RANBP2: variants seen among roughly 807,000 people sequenced by gnomAD.
The protein encoded by RANBP2 is RAN binding protein 2.
Under a neutral mutation model 303.6 loss-of-function variants are expected in RANBP2, and 57 were observed. The ratio of observed to expected loss-of-function variants is 0.19; its 90% CI spans 0.15 to 0.23. The LOEUF is 0.23. Among genes scored for constraint, RANBP2 ranks in the 10% least tolerant of loss-of-function variants. RANBP2 has a pLI of 1.00. For missense variants in RANBP2, 3,138 were observed against 3,780.8 expected, an observed-to-expected ratio of 0.83 and a Z score of 4.46; for synonymous variants, 1,167 against 1,301.5, an observed-to-expected ratio of 0.90 and a Z score of 2.23.
At chr2:109,498,657 G>A in the RANBP2 span, among the ~76,000 whole-genome samples, 42,005 of 152,002 alleles carry the variant, frequency 0.28, 6,094 homozygotes, top group African/African-American at 0.37. Context: ...CCCCTAAGTA[G>A]TATCAAGTAG....
chr2:109,406,654 A>G, the RANBP2 span, among the ~76,000 whole-genome samples: 34 of 152,312 alleles, frequency 2.2e-4, no homozygotes, highest in South Asian at 2.5e-3. Context: ...TTTTTAGGCC[A>G]TAACAGAGAT....
At chr2:109,701,882 G>C in the RANBP2 span, among the ~76,000 whole-genome samples, 1 of 152,314 alleles carries the variant, frequency 6.6e-6, no homozygotes, top group South Asian at 2.1e-4. Flanking sequence ...ACAAAGGCCA[G>C]TCAGTCCCTG....
At chr2:109,546,675 T>C in the RANBP2 span, among the ~76,000 whole-genome samples, 1 of 152,152 alleles carries the variant, frequency 6.6e-6, no homozygotes, top group Non-Finnish European at 1.5e-5. Flanking sequence ...TTGAAAACTG[T>C]ACTAGTAAAC....
the RANBP2 span, among the ~76,000 whole-genome samples, chr2:108,837,937 T>G: frequency 3.9e-5 from 6 of 152,088 alleles, no homozygotes; most frequent in Admixed American, 3.9e-4. Context: ...TTTTTTTTTT[T>G]TAAAGACACC....
At chr2:109,303,531 G>C in the RANBP2 span, among the ~76,000 whole-genome samples, 1 of 152,154 alleles carries the variant, frequency 6.6e-6, no homozygotes, top group African/African-American at 2.4e-5. Context: ...CCCTGCAATG[G>C]TCTGTTTCCT....
At chr2:109,534,835 C>T in the RANBP2 span, among the ~76,000 whole-genome samples, 9 of 151,678 alleles carry the variant, frequency 5.9e-5, no homozygotes, top group African/African-American at 2.2e-4. Flanking sequence ...TTAAGTATTG[C>T]TATCACATCA....
the RANBP2 span, among the ~76,000 whole-genome samples, chr2:109,259,966 G>A: frequency 6.6e-6 from 1 of 152,120 alleles, no homozygotes; most frequent in African/African-American, 2.4e-5. Context: ...ACGCCCAGGG[G>A]TTTTCTTTGC....
rs769673783 is a variant in RANBP2 at position 108,730,754 on chromosome 2, G to A, written c.141-20G>A. ...ACAGTTCTAAGTTTAATTTACTTTTGTATTACTTTTAAAAAACAGATACAT... is the reference window on the plus strand; with the variant it reads ...ACAGTTCTAAGTTTAATTTACTTTTATATTACTTTTAAAAAACAGATACAT... On this transcript the variant is annotated intron_variant, in intron 2 of 28. Transcript: ENST00000283195. The A allele has an allele frequency of 7.3e-5, 117 of 1,608,850 alleles. No homozygotes were observed. The highest frequency in any genetic ancestry group is 1.7e-5 in the Admixed American group (1 of 59,794).
the RANBP2 span, among the ~76,000 whole-genome samples, chr2:109,238,441 A>G: frequency 2.2e-5 from 3 of 138,074 alleles, no homozygotes; most frequent in Non-Finnish European, 4.7e-5. Flanking sequence ...CTTGTTTGTT[A>G]TGTATATTTG....
rs753167798 is a variant in RANBP2 at position 108,783,899 on chromosome 2, T to A, written c.9673T>A (p.Ter3225LysextTer6). The A allele has an allele frequency of 6.2e-7, 1 of 1,607,822 alleles. No homozygotes were observed. The highest frequency in any genetic ancestry group is 8.5e-7 in the Non-Finnish European group (1 of 1,174,530). Residue 3225 changes from the stop codon to lysine (K), a stop_lost, in exon 29 of 29, where the codon TAA becomes AAA. Coordinates refer to ENST00000283195, the MANE Select transcript of RANBP2 (RefSeq NM_006267.5). ...AACTATCACAGAATGTGGACAGATA[T>A]AAAATCATTGTTGTTCATAGAAAAT... ...RITITECGQI[*>K] is the part of the protein sequence containing the mutation.
At chr2:108,986,629 C>G in the RANBP2 span, among the ~76,000 whole-genome samples, 1 of 152,202 alleles carries the variant, frequency 6.6e-6, no homozygotes, top group African/African-American at 2.4e-5. Context: ...GTGAACCTCT[C>G]TGAGCCTCAA....
chr2:108,849,675 A>G, the RANBP2 span, among the ~76,000 whole-genome samples: 1 of 151,868 alleles, frequency 6.6e-6, no homozygotes, highest in Admixed American at 6.6e-5. Flanking sequence ...AAAGAAAAAG[A>G]AAAAAAAATC....
the RANBP2 span, among the ~76,000 whole-genome samples, chr2:109,346,706 T>G: frequency 6.6e-6 from 1 of 152,082 alleles, no homozygotes; most frequent in African/African-American, 2.4e-5. Context: ...GACAGGCTCC[T>G]TATTGCTGAC....
At chr2:109,174,384 A>G in the RANBP2 span, among the ~76,000 whole-genome samples, 1 of 152,108 alleles carries the variant, frequency 6.6e-6, no homozygotes, top group African/African-American at 2.4e-5. Flanking sequence ...TTTTTTTTCT[A>G]TACCATACCT....
At chr2:109,211,260 G>A in the RANBP2 span, among the ~76,000 whole-genome samples, 1 of 152,234 alleles carries the variant, frequency 6.6e-6, no homozygotes, top group African/African-American at 2.4e-5. Flanking sequence ...GCTAGGTGGT[G>A]AGGGGATGTC....
At chr2:109,577,829 C>T in the RANBP2 span, among the ~76,000 whole-genome samples, 1 of 147,544 alleles carries the variant, frequency 6.8e-6, no homozygotes, top group Non-Finnish European at 1.5e-5. Flanking sequence ...TTAAGAATCA[C>T]TTGAACCCAG....
the RANBP2 span, among the ~76,000 whole-genome samples, chr2:109,625,087 C>CAAAAAAAAAAAAAAAAAAAAAAAAAAAAA: frequency 3.3e-5 from 2 of 60,092 alleles, no homozygotes; most frequent in African/African-American, 9.8e-5. Context: ...ACAACAACAA[C>CAAAAAAAAAAAAAAAAAAAAAAAAAAAAA]AAAAAAAAAA....
chr2:109,032,210 A>G, the RANBP2 span, among the ~76,000 whole-genome samples: 1 of 152,032 alleles, frequency 6.6e-6, no homozygotes, highest in Non-Finnish European at 1.5e-5. Flanking sequence ...TTTCACTTCT[A>G]AAGTTATTAC....
the RANBP2 span, among the ~76,000 whole-genome samples, chr2:109,630,360 G>A: frequency 1.4e-3 from 216 of 152,194 alleles, 2 homozygotes; most frequent in African/African-American, 4.6e-3. Flanking sequence ...CCTAGCAGAC[G>A]GCTCCTCTAC....
Sources: gnomAD v4.1 joint callset for allele counts (sites outside exome capture counted in the v4.1 genomes callset) on GRCh38, gnomAD v4.1.1 for gene constraint, MANE v1.5 for transcripts, NCBI Gene and HGNC (gene_info 2026-07-23, HGNC 2026-07-21) for gene names.